The following PSMD14 variants were observed in gnomAD, a reference collection of about 807,000 sequenced individuals.
The protein encoded by PSMD14 is proteasome 26S subunit, non-ATPase 14, also known as ubiquitin C-terminal hydrolase PSMD14.
PSMD14 carries 7 observed loss-of-function variants against 41.2 expected under a neutral mutation model. The ratio of observed to expected loss-of-function variants is 0.17; its 90% CI spans 0.10 to 0.32. The LOEUF is 0.32. PSMD14 is among the 10% of genes least tolerant of loss of function. PSMD14 has a pLI of 1.00. For missense variants in PSMD14, 139 were observed against 375.6 expected (o/e 0.37, Z 5.21); for synonymous variants, 114 against 122.3 (o/e 0.93, Z 0.45).
At position 161,340,970 on chromosome 2, in the gene PSMD14, G is replaced by A. The variant is rs1325610427; in HGVS notation, c.48+22097G>A. 3 of 1,612,876 alleles carry A rather than the reference G, an allele frequency of 1.9e-6. No homozygotes were observed. In the African/African-American group the frequency reaches 4.0e-5, roughly 22 times the overall value. On this transcript the variant is annotated intron_variant, in intron 3 of 11. Transcript: ENST00000409682. ...ATGATGGCCCCTTCTCACCATCCAA[G>A]TCCTGCTCCTCTTCCTGCCTCGCCT...
intron 3 of PSMD14, among the ~76,000 whole-genome samples, chr2:161,329,080 C>T (rs1228006457): frequency 6.6e-6 from 1 of 152,074 alleles, no homozygotes; most frequent in Non-Finnish European, 1.5e-5. Flanking sequence ...CAGTATAGAT[C>T]TTGCAGGGCC....
chr2:161,315,168 T>A (rs1304678172), intron 1 of PSMD14, among the ~76,000 whole-genome samples: 1 of 152,208 alleles, frequency 6.6e-6, no homozygotes, highest in African/African-American at 2.4e-5. Context: ...CTTGGAGACA[T>A]TTTTGATTGT....
intron 3 of PSMD14, among the ~76,000 whole-genome samples, chr2:161,321,929 T>C (rs1033051455): frequency 3.3e-5 from 5 of 152,130 alleles, no homozygotes; most frequent in East Asian, 1.9e-4. Flanking sequence ...TTATTGGGAC[T>C]CGGCATACAT....
intron 3 of PSMD14, among the ~76,000 whole-genome samples, chr2:161,361,376 G>A (rs1683287186): frequency 6.6e-6 from 1 of 151,900 alleles, no homozygotes; most frequent in Non-Finnish European, 1.5e-5. Flanking sequence ...CAACTGAAAA[G>A]ATTATAACAA....
chr2:161,364,981 T>G (rs1309825208), intron 3 of PSMD14, among the ~76,000 whole-genome samples: 1 of 152,064 alleles, frequency 6.6e-6, no homozygotes, highest in Non-Finnish European at 1.5e-5. Flanking sequence ...ACATGCCCCT[T>G]GTAATCCCAG....
chr2:161,332,189 T>C (rs985935765), intron 3 of PSMD14, among the ~76,000 whole-genome samples: 31 of 152,230 alleles, frequency 2.0e-4, no homozygotes, highest in Middle Eastern at 3.2e-3. Flanking sequence ...GTTTTAAGAC[T>C]ATTTAAGGAA....
intron 1 of PSMD14, among the ~76,000 whole-genome samples, chr2:161,314,215 T>C (rs752538326): frequency 2.2e-4 from 33 of 152,224 alleles, no homozygotes; most frequent in Admixed American, 3.9e-4. Flanking sequence ...GTGAACTGCA[T>C]CAACATCATA....
chr2:161,359,938 C>G (rs1208670642), intron 3 of PSMD14, among the ~76,000 whole-genome samples: 3 of 152,164 alleles, frequency 2.0e-5, no homozygotes, highest in East Asian at 3.9e-4. Flanking sequence ...ACAAGCTTCT[C>G]GAAGCTTTTG....
chr2:161,398,183 A>C (rs971923938), intron 10 of PSMD14, among the ~76,000 whole-genome samples: 5 of 152,150 alleles, frequency 3.3e-5, no homozygotes, highest in African/African-American at 1.2e-4. Context: ...AAAGAGTCCA[A>C]ATTTGGGAAT....
chr2:161,346,609 A>G lies in PSMD14; in HGVS notation c.49-20869A>G, dbSNP rs370043462. Among the ~76,000 whole-genome samples the G allele has an allele frequency of 1.7e-4, 25 of 148,574 alleles. No homozygotes were observed. The East Asian group carries it at 3.3e-3, about 20-fold the overall frequency. On this transcript the variant is annotated intron_variant, in intron 3 of 11. Coordinates refer to ENST00000409682, the MANE Select transcript of PSMD14 (RefSeq NM_005805.6). ...CTTTTTATTCTTAGAAATATTCTTG[A>G]TATTTGTTATGGGATGCAGTTGAAT...
chr2:161,366,040 T>A (rs1683352869), intron 3 of PSMD14, among the ~76,000 whole-genome samples: 1 of 152,188 alleles, frequency 6.6e-6, no homozygotes, highest in Non-Finnish European at 1.5e-5. Context: ...AAAATTATCA[T>A]ACCACTAAAA....
At chr2:161,396,973 G>T (rs540693568) in intron 10 of PSMD14, among the ~76,000 whole-genome samples, 2 of 152,014 alleles carry the variant, frequency 1.3e-5, no homozygotes, top group South Asian at 2.1e-4. Context: ...GATTACAGGC[G>T]CCCGCTGCAA....
Position 161,339,385 on chromosome 2 carries a change from A to C in PSMD14, c.48+20512A>C, listed in dbSNP as rs141626882. ...GGTTTTAATTTGCATTTTCTGGATG[A>C]CTGATGATGGTGAGCATCTTTTTAT... is the stretch of plus-strand genomic sequence containing the variant. On this transcript the variant is annotated intron_variant, in intron 3 of 11. Coordinates refer to ENST00000409682, the MANE Select transcript of PSMD14 (RefSeq NM_005805.6). Among the ~76,000 whole-genome samples the C allele has an allele frequency of 6.8e-3, 1,027 of 152,022 alleles. 4 individuals are homozygous for C. Among genetic ancestry groups the C allele is most frequent in the Non-Finnish European group, 0.011 (741 of 67,990 alleles).
chr2:161,320,235 A>G (rs972891249), intron 3 of PSMD14, among the ~76,000 whole-genome samples: 2 of 152,224 alleles, frequency 1.3e-5, no homozygotes, highest in African/African-American at 4.8e-5. Flanking sequence ...TCTTAAGGAA[A>G]GTTGTATCAA....
chr2:161,335,282 A>G (rs1446382798), intron 3 of PSMD14, among the ~76,000 whole-genome samples: 7 of 152,142 alleles, frequency 4.6e-5, no homozygotes, highest in Admixed American at 3.9e-4. Context: ...AGATAATTCT[A>G]TGTTAGTATT....
At chr2:161,396,467 T>C (rs1683797869) in intron 10 of PSMD14, among the ~76,000 whole-genome samples, 1 of 152,186 alleles carries the variant, frequency 6.6e-6, no homozygotes, top group African/African-American at 2.4e-5. Flanking sequence ...AAGGAAATCC[T>C]GTCATTTATG....
intron 2 of PSMD14, among the ~76,000 whole-genome samples, chr2:161,318,262 A>G (rs1261238201): frequency 6.6e-6 from 1 of 152,186 alleles, no homozygotes; most frequent in African/African-American, 2.4e-5. Context: ...TATTTCTTTT[A>G]GTATAATGAG....
At chr2:161,397,363 G>A (rs1397138708) in intron 10 of PSMD14, among the ~76,000 whole-genome samples, 4 of 152,160 alleles carry the variant, frequency 2.6e-5, no homozygotes, top group African/African-American at 4.8e-5. Context: ...TCGGATAGAC[G>A]AAGTGAAAGA....
chr2:161,342,445 G>A (rs564921398), intron 3 of PSMD14, among the ~76,000 whole-genome samples: 1 of 151,726 alleles, frequency 6.6e-6, no homozygotes, highest in South Asian at 2.1e-4. Flanking sequence ...TTTATTCCTT[G>A]TAACAATTCT....
Sources: allele counts gnomAD v4.1 joint callset (sites outside exome capture counted in the v4.1 genomes callset), GRCh38; gene constraint gnomAD v4.1.1; transcripts MANE v1.5; gene names NCBI Gene and HGNC (gene_info 2026-07-23, HGNC 2026-07-21).